Variants in EIF4E3 observed in about 807,000 individuals in gnomAD.
EIF4E3 encodes eukaryotic translation initiation factor 4E type 3.
Under a neutral mutation model 31.7 loss-of-function variants are expected in EIF4E3, and 26 were observed. That is an observed-to-expected ratio of 0.82 (90% confidence interval 0.60 to 1.14). The LOEUF is 1.14. Ranked by LOEUF, EIF4E3 falls within the 50% of genes most tolerant of loss-of-function variation. The probability of loss-of-function intolerance (pLI) is 0.00; values close to 1 mark genes in which losing one functional copy is unlikely to be tolerated. For synonymous variants in EIF4E3, 128 were observed against 107.7 expected (o/e 1.19, Z -1.17); for missense variants, 304 against 270.9 (o/e 1.12, Z -0.86).
chr3:71,715,440 C>T (rs888776749), intron 1 of EIF4E3, among the ~76,000 whole-genome samples: 1 of 152,202 alleles, frequency 6.6e-6, no homozygotes, highest in African/African-American at 2.4e-5. Flanking sequence ...TCCCCAGGCT[C>T]CCAAAGACAA....
intron 5 of EIF4E3, among the ~76,000 whole-genome samples, chr3:71,692,125 T>C (rs2049071638): frequency 6.6e-6 from 1 of 152,212 alleles, no homozygotes; most frequent in Non-Finnish European, 1.5e-5. Flanking sequence ...CTGCAACTCT[T>C]ATCCAAAGGC....
At position 71,679,610 on chromosome 3, in the gene EIF4E3, C is replaced by T. The variant is rs752356189; in HGVS notation, c.*5072G>A. The stretch of plus-strand genomic sequence containing the variant: ...ACAATGGAACTCTGAATTTCAGTAG[C>T]AATGATGAACAAAAAAATACTGACT... On this transcript the variant is annotated 3_prime_UTR_variant, in exon 7 of 7. Transcript: ENST00000425534. 1.3e-5 allele frequency: 2 copies of T among 152,102 alleles called. No homozygotes were observed. Among genetic ancestry groups the T allele is most frequent in the African/African-American group, 2.4e-5 (1 of 41,412 alleles). 9.4% of individuals were successfully genotyped at this position (152,102 alleles called of 1,614,324 possible).
chr3:71,707,254 A>G (rs553729729), intron 2 of EIF4E3, among the ~76,000 whole-genome samples: 18 of 152,352 alleles, frequency 1.2e-4, no homozygotes, highest in African/African-American at 4.1e-4. Context: ...TCCATCTTAC[A>G]GATGAGTAAA....
At chr3:71,705,406 G>A (rs1484255028) in intron 2 of EIF4E3, among the ~76,000 whole-genome samples, 1 of 152,104 alleles carries the variant, frequency 6.6e-6, no homozygotes, top group African/African-American at 2.4e-5. Flanking sequence ...CATATGCAGG[G>A]GAAACATTTT....
intron 1 of EIF4E3, among the ~76,000 whole-genome samples, chr3:71,723,705 C>T (rs1440132659): frequency 6.6e-6 from 1 of 152,174 alleles, no homozygotes. Context: ...ACCTTGAAAA[C>T]AGATACCAGG....
At chr3:71,707,871 CTTTTT>C (rs35421624) in intron 2 of EIF4E3, among the ~76,000 whole-genome samples, 2 of 133,258 alleles carry the variant, frequency 1.5e-5, no homozygotes, top group Admixed American at 7.5e-5. Flanking sequence ...CTAATTCATT[CTTTTT>C]TTTTTTTTTT....
chr3:71,726,157 A>C (rs1412135059), upstream of EIF4E3, among the ~76,000 whole-genome samples: 1 of 152,166 alleles, frequency 6.6e-6, no homozygotes, highest in Non-Finnish European at 1.5e-5. Context: ...CAACCTCTGG[A>C]GCTACCATGT....
intron 5 of EIF4E3, among the ~76,000 whole-genome samples, chr3:71,692,570 T>C (rs556762649): frequency 1.6e-3 from 240 of 151,788 alleles, no homozygotes; most frequent in Non-Finnish European, 2.7e-3. Flanking sequence ...TCTGTACTTA[T>C]AGACAAATTT....
the EIF4E3 span, among the ~76,000 whole-genome samples, chr3:71,667,606 A>G: frequency 1.4e-4 from 21 of 152,182 alleles, no homozygotes; most frequent in South Asian, 6.2e-4. Flanking sequence ...CTATACACCA[A>G]TAATAGACAA....
chr3:71,708,849 A>G (rs2049333241), intron 2 of EIF4E3, among the ~76,000 whole-genome samples: 1 of 152,186 alleles, frequency 6.6e-6, no homozygotes, highest in African/African-American at 2.4e-5. Context: ...TTCTCTGGAC[A>G]GTGGTGCTGC....
At chr3:71,754,702 G>A, upstream of EIF4E3, 1 of 1,489,366 alleles carries the variant, frequency 6.7e-7, no homozygotes, top group South Asian at 1.2e-5. The surrounding 1 kb of genome is among the most constrained non-coding windows in gnomAD (Gnocchi z 5.8). Context: ...CGGCCCGCGC[G>A]CCTGGTGCCC....
intron 5 of EIF4E3, 82 bp downstream of exon 5, chr3:71,693,793 C>A: frequency 1.6e-6 from 2 of 1,264,998 alleles, no homozygotes; most frequent in East Asian, 2.8e-5. Flanking sequence ...AAGTCAAACA[C>A]GTGATAACAA....
At position 71,725,183 on chromosome 3, in the gene EIF4E3, C is replaced by A; in HGVS notation, c.176+9G>T. The stretch of plus-strand genomic sequence containing the variant: ...GGGGCCGTGCGCGGCGGGCCCCGCG[C>A]CCCCTCACCTGTCGAGCCAGAAGGT... On this transcript the variant is annotated intron_variant, in intron 1 of 6. Transcript: ENST00000425534. This position sits in a 1 kb window ranked among gnomAD's most constrained non-coding sequence, Gnocchi z 6.1. 9.1e-7 allele frequency: 1 copy of A among 1,099,086 alleles called. No individual in the cohort carries two copies. 68.1% of individuals were successfully genotyped at this position (1,099,086 alleles called of 1,614,324 possible).
chr3:71,731,094 C>T (rs1396273864), intron 1 of EIF4E3, among the ~76,000 whole-genome samples: 1 of 152,170 alleles, frequency 6.6e-6, no homozygotes, highest in African/African-American at 2.4e-5. Flanking sequence ...CCAAGCATGG[C>T]CTGGAGGACT....
chr3:71,667,702 T>C, the EIF4E3 span, among the ~76,000 whole-genome samples: 2 of 152,132 alleles, frequency 1.3e-5, no homozygotes, highest in Non-Finnish European at 2.9e-5. Flanking sequence ...ACAAGGGATG[T>C]AAAGGACCTC....
chr3:71,716,362 A>T (rs558004510), intron 1 of EIF4E3, among the ~76,000 whole-genome samples: 2 of 152,090 alleles, frequency 1.3e-5, no homozygotes, highest in South Asian at 4.2e-4. Flanking sequence ...CCTCCCAAGT[A>T]GCTGGGACTA....
the EIF4E3 span, among the ~76,000 whole-genome samples, chr3:71,664,615 T>C: frequency 6.6e-6 from 1 of 152,158 alleles, no homozygotes; most frequent in Admixed American, 6.5e-5. Flanking sequence ...TAAAAACTCA[T>C]GCCTGTAATC....
intron 1 of EIF4E3, among the ~76,000 whole-genome samples, chr3:71,712,110 T>C (rs2049388857): frequency 6.6e-6 from 1 of 152,130 alleles, no homozygotes; most frequent in South Asian, 2.1e-4. Context: ...AATAAAGAAA[T>C]CTACTGTAAA....
At chr3:71,685,654 G>T (rs936182303) in intron 6 of EIF4E3, among the ~76,000 whole-genome samples, 1 of 152,148 alleles carries the variant, frequency 6.6e-6, no homozygotes, top group African/African-American at 2.4e-5. Context: ...TGAGCCACCA[G>T]GCCCAGCCGG....
Sources: gnomAD v4.1 joint callset for allele counts (sites outside exome capture counted in the v4.1 genomes callset) on GRCh38, gnomAD v4.1.1 for gene constraint, Gnocchi (gnomAD v3.1) non-coding constraint, MANE v1.5 for transcripts, NCBI Gene and HGNC (gene_info 2026-07-23, HGNC 2026-07-21) for gene names.